The following CPA6 variants were observed in gnomAD, a reference collection of about 807,000 sequenced individuals.
CPA6 encodes the protein carboxypeptidase A6.
In CPA6, 58 loss-of-function variants were observed where a neutral mutation model predicts 63.3. The ratio of observed to expected loss-of-function variants is 0.92; its 90% CI spans 0.74 to 1.14. The LOEUF (loss-of-function observed/expected upper bound fraction) is 1.14. Among genes scored for constraint, CPA6 ranks in the 50% most tolerant of loss-of-function variants. The probability of loss-of-function intolerance (pLI) is 0.00; values close to 1 mark genes in which losing one functional copy is unlikely to be tolerated. For missense variants in CPA6, 565 were observed against 526.6 expected (o/e 1.07, Z -0.71); for synonymous variants, 185 against 179.0 (o/e 1.03, Z -0.27).
chr8:67,716,269 A>C (rs1817379769), intron 1 of CPA6, among the ~76,000 whole-genome samples: 1 of 151,978 alleles, frequency 6.6e-6, no homozygotes, highest in Admixed American at 6.6e-5. Context: ...AATAGGTTGC[A>C]TTCCCAGGAG....
At chr8:67,545,240 A>T (rs1195461295) in intron 2 of CPA6, among the ~76,000 whole-genome samples, 1 of 152,146 alleles carries the variant, frequency 6.6e-6, no homozygotes, top group East Asian at 1.9e-4. Context: ...AGAAAAATTC[A>T]CCTTATCCAG....
chr8:67,478,860 C>A (rs1811298390), intron 8 of CPA6, among the ~76,000 whole-genome samples: 1 of 151,992 alleles, frequency 6.6e-6, no homozygotes, highest in African/African-American at 2.4e-5. Flanking sequence ...AACATCTCTA[C>A]TAAAAATACA....
At chr8:67,523,075 G>A (rs919268118) in intron 2 of CPA6, among the ~76,000 whole-genome samples, 4 of 152,240 alleles carry the variant, frequency 2.6e-5, no homozygotes, top group African/African-American at 9.6e-5. Context: ...GGCAGCCTGG[G>A]TTTGAATCCC....
chr8:67,732,464 T>C (rs1320277418), intron 1 of CPA6: 1 of 152,242 alleles, frequency 6.6e-6, no homozygotes, highest in Admixed American at 6.5e-5. Context: ...CGAAACGCTA[T>C]TTGGGGACTG....
chr8:67,735,859 A>C (rs1376772466), intron 1 of CPA6, among the ~76,000 whole-genome samples: 1 of 152,144 alleles, frequency 6.6e-6, no homozygotes, highest in African/African-American at 2.4e-5. Flanking sequence ...AGAAATCAGA[A>C]GCGTATGTTA....
intron 2 of CPA6, among the ~76,000 whole-genome samples, chr8:67,527,927 T>G (rs80276936): frequency 0.12 from 18,576 of 152,210 alleles, 1,468 homozygotes; most frequent in East Asian, 0.21. Context: ...AGCCGCTGAA[T>G]CATCACTCTG....
At chr8:67,605,693 C>T (rs895053178) in intron 2 of CPA6, among the ~76,000 whole-genome samples, 1 of 152,022 alleles carries the variant, frequency 6.6e-6, no homozygotes, top group African/African-American at 2.4e-5. Flanking sequence ...GATACTGGTT[C>T]TATTAAAGTA....
chr8:67,734,045 A>AT (rs60763583), intron 1 of CPA6, among the ~76,000 whole-genome samples: 26 of 147,466 alleles, frequency 1.8e-4, no homozygotes, highest in South Asian at 4.3e-4. Context: ...AGCAAACTTA[A>AT]TTTTTTTTTT....
At chr8:67,515,631 C>G (rs530066963) in intron 3 of CPA6, among the ~76,000 whole-genome samples, 15 of 152,146 alleles carry the variant, frequency 9.9e-5, no homozygotes, top group African/African-American at 3.6e-4. Context: ...GAACTCTTGG[C>G]CTGCCTTGAT....
intron 2 of CPA6, among the ~76,000 whole-genome samples, chr8:67,524,276 T>C (rs1219896528): frequency 6.6e-5 from 10 of 152,206 alleles, no homozygotes; most frequent in African/African-American, 2.4e-4. Context: ...TTATGTCTCA[T>C]TTGCATCAGT....
intron 1 of CPA6, among the ~76,000 whole-genome samples, chr8:67,651,412 C>G (rs1815833280): frequency 1.3e-5 from 2 of 152,110 alleles, no homozygotes; most frequent in Admixed American, 1.3e-4. Flanking sequence ...TCTATACTGG[C>G]TTCTCTTCTG....
chr8:67,682,102 T>C (rs1816611789), intron 1 of CPA6, among the ~76,000 whole-genome samples: 1 of 152,206 alleles, frequency 6.6e-6, no homozygotes, highest in Non-Finnish European at 1.5e-5. Flanking sequence ...AATTTGCTAA[T>C]GTTGGACCTT....
chr8:67,450,309 A>G (rs942246119), intron 8 of CPA6, among the ~76,000 whole-genome samples: 2 of 152,216 alleles, frequency 1.3e-5, no homozygotes, highest in African/African-American at 4.8e-5. Context: ...ATGGCTCTCT[A>G]TTGACGTTTC....
At chr8:67,523,578 T>G (rs555995155) in intron 2 of CPA6, among the ~76,000 whole-genome samples, 6 of 152,204 alleles carry the variant, frequency 3.9e-5, no homozygotes, top group African/African-American at 1.4e-4. Context: ...CTTGGAGCAT[T>G]CATTAAATGA....
intron 2 of CPA6, among the ~76,000 whole-genome samples, chr8:67,605,345 C>T (rs1258040239): frequency 6.6e-6 from 1 of 151,996 alleles, no homozygotes; most frequent in Non-Finnish European, 1.5e-5. Context: ...TCTAGGGCCC[C>T]CATGGATACC....
chr8:67,571,762 C>T (rs139848556), intron 2 of CPA6, among the ~76,000 whole-genome samples: 1 of 151,984 alleles, frequency 6.6e-6, no homozygotes, highest in East Asian at 1.9e-4. Context: ...AATAAACAAT[C>T]TAATATCACA....
At chr8:67,533,147 A>T (rs1449727428) in intron 2 of CPA6, among the ~76,000 whole-genome samples, 1 of 152,172 alleles carries the variant, frequency 6.6e-6, no homozygotes, top group Non-Finnish European at 1.5e-5. Flanking sequence ...AATTTAGCAC[A>T]TCTGGAATGG....
intron 2 of CPA6, among the ~76,000 whole-genome samples, chr8:67,598,682 A>G (rs1041274009): frequency 6.6e-6 from 1 of 152,146 alleles, no homozygotes; most frequent in Non-Finnish European, 1.5e-5. Context: ...GACTTCTTTC[A>G]TGTTTTGATG....
intron 8 of CPA6, among the ~76,000 whole-genome samples, chr8:67,482,405 T>G (rs1490002978): frequency 6.6e-6 from 1 of 152,244 alleles, no homozygotes; most frequent in Non-Finnish European, 1.5e-5. Flanking sequence ...TTAATGTGCT[T>G]GTTGTTTCAG....
Sources: gnomAD v4.1 joint callset for allele counts (sites outside exome capture counted in the v4.1 genomes callset) on GRCh38, gnomAD v4.1.1 for gene constraint, MANE v1.5 for transcripts, NCBI Gene and HGNC (gene_info 2026-07-23, HGNC 2026-07-21) for gene names.